HCN1: variants seen among roughly 807,000 people sequenced by gnomAD.
The protein encoded by HCN1 is hyperpolarization activated cyclic nucleotide gated potassium channel 1.
HCN1 carries 13 observed loss-of-function variants against 78.9 expected under a neutral mutation model. That is an observed-to-expected ratio of 0.16 (90% CI 0.11 to 0.26). The LOEUF (loss-of-function observed/expected upper bound fraction) is 0.26. Among genes scored for constraint, HCN1 ranks in the 10% least tolerant of loss-of-function variants. The pLI is 1.00. For synonymous variants in HCN1, 552 were observed against 455.5 expected, an observed-to-expected ratio of 1.21 and a Z score of -2.70; for missense variants, 810 against 1,154.3, an observed-to-expected ratio of 0.70 and a Z score of 4.32.
intron 2 of HCN1, among the ~76,000 whole-genome samples, chr5:45,622,179 C>T (rs1222281913): frequency 6.6e-6 from 1 of 151,786 alleles, no homozygotes; most frequent in African/African-American, 2.4e-5. Context: ...GCACTCCAGC[C>T]TGGGCGACAG....
chr5:45,370,826 A>C (rs1392439503), intron 4 of HCN1, among the ~76,000 whole-genome samples: 1 of 152,102 alleles, frequency 6.6e-6, no homozygotes, highest in East Asian at 1.9e-4. Context: ...AATATTTTTT[A>C]TGTGCACACA....
intron 1 of HCN1, among the ~76,000 whole-genome samples, chr5:45,684,893 A>G (rs1739772816): frequency 6.6e-6 from 1 of 152,132 alleles, no homozygotes. Context: ...CTAATCAAGT[A>G]ACTTTCTATA....
chr5:45,693,190 T>A (rs1739947045), intron 1 of HCN1, among the ~76,000 whole-genome samples: 1 of 152,190 alleles, frequency 6.6e-6, no homozygotes, highest in Non-Finnish European at 1.5e-5. Context: ...CCTATTTTTG[T>A]TCTTTCATTA....
At chr5:45,594,738 CTCCTTAA>C (rs1561213856) in intron 2 of HCN1, among the ~76,000 whole-genome samples, 5 of 152,198 alleles carry the variant, frequency 3.3e-5, no homozygotes, top group Non-Finnish European at 4.4e-5. Flanking sequence ...AAGGAGATGT[CTCCTTAA>C]GTAACCCACA....
chr5:45,567,972 A>T (rs1460218101), intron 2 of HCN1, among the ~76,000 whole-genome samples: 1 of 151,804 alleles, frequency 6.6e-6, no homozygotes, highest in African/African-American at 2.4e-5. Flanking sequence ...ATCTATGGTA[A>T]TTAAAGTTTT....
chr5:45,289,674 T>C (rs555270824), intron 6 of HCN1, among the ~76,000 whole-genome samples: 14 of 152,188 alleles, frequency 9.2e-5, no homozygotes, highest in Admixed American at 6.6e-4. Context: ...AGAGCAAATA[T>C]ACAGGCACAG....
At chr5:45,613,519 C>G (rs1336001262) in intron 2 of HCN1, among the ~76,000 whole-genome samples, 2 of 151,900 alleles carry the variant, frequency 1.3e-5, no homozygotes, top group Non-Finnish European at 2.9e-5. Context: ...GTTGGTGGGA[C>G]TGTAAACTAG....
chr5:45,373,020 T>A (rs927280919), intron 4 of HCN1, among the ~76,000 whole-genome samples: 19 of 137,260 alleles, frequency 1.4e-4, no homozygotes, highest in African/African-American at 5.0e-4. Flanking sequence ...AAAATATATA[T>A]ATTTTACATA....
In HCN1 at chr5:45,261,909, A is replaced by C; in HGVS notation, c.*12T>G. The stretch of plus-strand genomic sequence containing the variant: ...TGAGAGTATTTCTTTCTGCTTTGAC[A>C]ATCAGCAGGGATCATAAATTTGAAG... On this transcript the variant is annotated 3_prime_UTR_variant, in exon 8 of 8. Coordinates refer to ENST00000303230, the MANE Select transcript of HCN1 (RefSeq NM_021072.4). 1 of 1,614,002 alleles carries C rather than the reference A, an allele frequency of 6.2e-7. No homozygotes were observed. The highest frequency in any genetic ancestry group is 8.5e-7 in the Non-Finnish European group (1 of 1,179,946).
At chr5:45,654,680 G>A (rs1276205910) in intron 1 of HCN1, among the ~76,000 whole-genome samples, 2 of 152,048 alleles carry the variant, frequency 1.3e-5, no homozygotes, top group Non-Finnish European at 2.9e-5. Flanking sequence ...CACATATATT[G>A]AAGACATTTT....
chr5:45,385,346 G>T (rs1257823014), intron 4 of HCN1, among the ~76,000 whole-genome samples: 1 of 151,972 alleles, frequency 6.6e-6, no homozygotes, highest in Admixed American at 6.6e-5. Flanking sequence ...TGAGAAGGTA[G>T]TCATTCGATT....
chr5:45,504,566 G>C (rs941106704), intron 2 of HCN1, among the ~76,000 whole-genome samples: 1 of 152,120 alleles, frequency 6.6e-6, no homozygotes, highest in African/African-American at 2.4e-5. Flanking sequence ...ACATACGTGT[G>C]CATGTGTCTT....
At chr5:45,388,516 T>C (rs1470132001) in intron 4 of HCN1, among the ~76,000 whole-genome samples, 2 of 152,126 alleles carry the variant, frequency 1.3e-5, no homozygotes, top group Non-Finnish European at 2.9e-5. Flanking sequence ...CAGCAGCATC[T>C]GAGATCTTGT....
At chr5:45,291,777 G>T (rs1187967112) in intron 6 of HCN1, among the ~76,000 whole-genome samples, 1 of 151,904 alleles carries the variant, frequency 6.6e-6, no homozygotes, top group Non-Finnish European at 1.5e-5. Flanking sequence ...TGATCCTTTA[G>T]CCTTTGTACC....
At chr5:45,308,556 C>T (rs1263825980) in intron 5 of HCN1, among the ~76,000 whole-genome samples, 1 of 151,942 alleles carries the variant, frequency 6.6e-6, no homozygotes, top group Non-Finnish European at 1.5e-5. Context: ...AGCAGCAGGC[C>T]TGGAATGTGT....
Position 45,534,691 on chromosome 5 carries a change from T to C in HCN1, c.850-72684A>G, listed in dbSNP as rs183261047. On this transcript the variant is annotated intron_variant, in intron 2 of 7. Coordinates refer to ENST00000303230, the MANE Select transcript of HCN1 (RefSeq NM_021072.4). ...GCCAAAAAAAAAATAAACATTAGGC[T>C]CATCTTGTATCAATTTGTTAAGCGA... Among the ~76,000 whole-genome samples the C allele has an allele frequency of 2.1e-3, 314 of 151,742 alleles. 10 individuals carry two copies. Among genetic ancestry groups the C allele is most frequent in the Admixed American group, 0.021 (312 of 15,194 alleles).
chr5:45,469,232 T>C (rs1741338684), intron 2 of HCN1, among the ~76,000 whole-genome samples: 1 of 151,920 alleles, frequency 6.6e-6, no homozygotes, highest in South Asian at 2.1e-4. Flanking sequence ...CATTTATTAA[T>C]TGTACCATGC....
At chr5:45,279,246 C>T (rs2111865322) in intron 6 of HCN1, among the ~76,000 whole-genome samples, 1 of 152,184 alleles carries the variant, frequency 6.6e-6, no homozygotes, top group South Asian at 2.1e-4. Context: ...CTCTCTGACT[C>T]ATTTGGTCAA....
chr5:45,294,404 A>T (rs1459941061), intron 6 of HCN1, among the ~76,000 whole-genome samples: 1 of 151,994 alleles, frequency 6.6e-6, no homozygotes, highest in African/African-American at 2.4e-5. Flanking sequence ...AACAGTCATG[A>T]AAAATATTTC....
Sources: allele counts gnomAD v4.1 joint callset (sites outside exome capture counted in the v4.1 genomes callset), GRCh38; gene constraint gnomAD v4.1.1; transcripts MANE v1.5; gene names NCBI Gene and HGNC (gene_info 2026-07-23, HGNC 2026-07-21).